Variants in TBC1D5 observed in about 807,000 individuals in gnomAD.
TBC1D5 encodes the protein TBC1 domain family member 5.
A neutral mutation model predicts 100.3 loss-of-function variants in TBC1D5; 75 were observed. That is an observed-to-expected ratio of 0.75 (90% CI 0.62 to 0.91). The LOEUF (loss-of-function observed/expected upper bound fraction) is 0.91. TBC1D5 is among the 40% of genes least tolerant of loss of function. TBC1D5 has a pLI of 0.00. For synonymous variants in TBC1D5, 323 were observed against 325.6 expected, an observed-to-expected ratio of 0.99 and a Z score of 0.09; for missense variants, 910 against 942.4, an observed-to-expected ratio of 0.97 and a Z score of 0.45.
At chr3:17,343,545 C>T (rs1350391907) in intron 13 of TBC1D5, among the ~76,000 whole-genome samples, 2 of 143,814 alleles carry the variant, frequency 1.4e-5, no homozygotes, top group Non-Finnish European at 3.1e-5. Context: ...AGGAATGGTA[C>T]CAGTTCCTCC....
intron 18 of TBC1D5, 124 bp downstream of exon 19, chr3:17,214,083 A>T: frequency 1.1e-6 from 1 of 907,286 alleles, no homozygotes; most frequent in Non-Finnish European, 1.5e-6. Context: ...TGATAAAATA[A>T]TTCCTTTTAG....
At chr3:17,614,211 T>C (rs2061929319) in intron 2 of TBC1D5, among the ~76,000 whole-genome samples, 1 of 152,220 alleles carries the variant, frequency 6.6e-6, no homozygotes, top group Non-Finnish European at 1.5e-5. Context: ...TGTGGTGTTA[T>C]TTCTGAGGCC....
At chr3:17,705,451 C>T (rs1220598683) in intron 1 of TBC1D5, among the ~76,000 whole-genome samples, 5 of 148,360 alleles carry the variant, frequency 3.4e-5, no homozygotes, top group Non-Finnish European at 6.0e-5. Context: ...ACTTCTCAGA[C>T]GGGGCAGCTG....
chr3:17,279,358 T>A (rs2596681), intron 15 of TBC1D5, among the ~76,000 whole-genome samples: 62,571 of 151,902 alleles, frequency 0.41, 13,562 homozygotes, highest in Middle Eastern at 0.5. Flanking sequence ...AGGCATAAAA[T>A]CAAATGGAGA....
chr3:17,590,068 A>C (rs2096756802), intron 2 of TBC1D5, among the ~76,000 whole-genome samples: 1 of 152,166 alleles, frequency 6.6e-6, no homozygotes, highest in Non-Finnish European at 1.5e-5. Context: ...CCCCCCTACA[A>C]CATTCCTGTT....
chr3:17,469,964 T>C (rs2095354112), intron 3 of TBC1D5, among the ~76,000 whole-genome samples: 1 of 152,274 alleles, frequency 6.6e-6, no homozygotes, highest in South Asian at 2.1e-4. Flanking sequence ...CATCTCATTT[T>C]GATCCACCTT....
At chr3:17,298,506 A>T (rs553641477) in intron 14 of TBC1D5, among the ~76,000 whole-genome samples, 2 of 152,312 alleles carry the variant, frequency 1.3e-5, no homozygotes, top group East Asian at 3.9e-4. Flanking sequence ...GGCCAACAAT[A>T]TGTGGAAGCA....
At chr3:17,481,416 C>T (rs1023608352) in intron 3 of TBC1D5, among the ~76,000 whole-genome samples, 2 of 152,128 alleles carry the variant, frequency 1.3e-5, no homozygotes, top group African/African-American at 4.8e-5. Context: ...TAAAAGGCAC[C>T]GCCTGCCACA....
chr3:17,634,606 C>T (rs117692078), intron 1 of TBC1D5, among the ~76,000 whole-genome samples: 4 of 134,954 alleles, frequency 3.0e-5, no homozygotes, highest in East Asian at 2.1e-4. Context: ...ATAGAGGGGA[C>T]GTGGGGATGG....
chr3:17,718,196 C>T lies in TBC1D5; in HGVS notation c.-101+21147G>A, dbSNP rs183219215. Among the ~76,000 whole-genome samples the T allele has an allele frequency of 9.3e-4, 142 of 152,322 alleles. 1 individual carries two copies. Among genetic ancestry groups the T allele is most frequent in the Admixed American group, 8.7e-3 (133 of 15,290 alleles). On this transcript the variant is annotated intron_variant, in intron 1 of 21. Coordinates refer to ENST00000253692, the Ensembl canonical transcript of TBC1D5. ...TTTTCTTTCTCTTCCCACCCACTGG[C>T]ATATTCCCAAAGGTTTTTCCTAAAA...
chr3:17,703,784 T>C (rs2073544841), intron 1 of TBC1D5, among the ~76,000 whole-genome samples: 1 of 152,182 alleles, frequency 6.6e-6, no homozygotes, highest in Non-Finnish European at 1.5e-5. Flanking sequence ...ATTGCTATAG[T>C]GTCAATTTTC....
chr3:17,665,339 G>A (rs1030955102), intron 1 of TBC1D5, among the ~76,000 whole-genome samples: 1 of 152,198 alleles, frequency 6.6e-6, no homozygotes, highest in South Asian at 2.1e-4. Flanking sequence ...TCAGTGTCTC[G>A]CTCATATCTT....
intron 13 of TBC1D5, among the ~76,000 whole-genome samples, chr3:17,366,252 G>A (rs534400522): frequency 1.5e-4 from 23 of 151,766 alleles, no homozygotes; most frequent in African/African-American, 5.3e-4. Flanking sequence ...AGATCACACC[G>A]CTGCGCTCCA....
chr3:17,665,500 G>A (rs1173960792), intron 1 of TBC1D5, among the ~76,000 whole-genome samples: 1 of 152,206 alleles, frequency 6.6e-6, no homozygotes, highest in Non-Finnish European at 1.5e-5. Context: ...AGTAGACTGA[G>A]TAATTTGGAT....
chr3:17,233,309 T>C (rs2733501), intron 17 of TBC1D5, among the ~76,000 whole-genome samples: 62,242 of 152,074 alleles, frequency 0.41, 13,450 homozygotes, highest in Middle Eastern at 0.49. Context: ...ACATAAGATG[T>C]CTATTTTCAG....
chr3:17,729,559 T>A lies in TBC1D5; in HGVS notation c.-101+9784A>T, dbSNP rs193079179. ...CATCTCAACTAAAGATACAAAAAAT[T>A]AGCTGGGCGTTGTGGTACGCACCTG... On this transcript the variant is annotated intron_variant, in intron 1 of 21. Coordinates refer to ENST00000253692, the Ensembl canonical transcript of TBC1D5. Among the ~76,000 whole-genome samples the A allele has an allele frequency of 1.1e-3, 163 of 151,914 alleles. 1 individual carries two copies. Among genetic ancestry groups the A allele is most frequent in the Admixed American group, 9.1e-3 (139 of 15,254 alleles).
intron 13 of TBC1D5, among the ~76,000 whole-genome samples, chr3:17,365,649 C>T (rs976949974): frequency 6.6e-6 from 1 of 152,108 alleles, no homozygotes; most frequent in African/African-American, 2.4e-5. Flanking sequence ...TTAGGCTCTC[C>T]AGGGGCCTTG....
chr3:17,396,924 T>C (rs2093522178), intron 8 of TBC1D5, among the ~76,000 whole-genome samples: 1 of 152,122 alleles, frequency 6.6e-6, no homozygotes, highest in Non-Finnish European at 1.5e-5. Context: ...GCGAGCATAA[T>C]AATGAATTAT....
intron 18 of TBC1D5, among the ~76,000 whole-genome samples, chr3:17,206,246 C>T (rs2072168075): frequency 6.6e-6 from 1 of 152,142 alleles, no homozygotes; most frequent in Admixed American, 6.5e-5. Context: ...TTTTTACTGT[C>T]TTTACTGTTC....
Sources: allele counts gnomAD v4.1 joint callset (sites outside exome capture counted in the v4.1 genomes callset), GRCh38; gene constraint gnomAD v4.1.1; transcripts MANE v1.5; gene names NCBI Gene and HGNC (gene_info 2026-07-23, HGNC 2026-07-21).